The following FARP2 variants were observed in gnomAD, a reference collection of about 807,000 sequenced individuals.
The protein encoded by FARP2 is FERM, ARH/RhoGEF and pleckstrin domain protein 2, also known as FERM, ARHGEF and pleckstrin domain-containing protein 2.
In FARP2, 111 loss-of-function variants were observed where a neutral mutation model predicts 130.5. That is an observed-to-expected ratio of 0.85 (90% CI 0.73 to 1.00). The LOEUF (loss-of-function observed/expected upper bound fraction) is 1.00, where lower values mean the gene tolerates loss of function less well. Ranked by LOEUF, FARP2 falls within the 50% of genes least tolerant of loss-of-function variation. The probability of loss-of-function intolerance (pLI) is 0.00; values close to 1 mark genes in which losing one functional copy is unlikely to be tolerated. For synonymous variants in FARP2, 504 were observed against 516.9 expected (o/e 0.98, Z 0.34); for missense variants, 1,385 against 1,346.3 (o/e 1.03, Z -0.45).
intron 2 of FARP2, among the ~76,000 whole-genome samples, chr2:241,392,193 T>C (rs1168507473): frequency 6.6e-6 from 1 of 152,202 alleles, no homozygotes; most frequent in East Asian, 1.9e-4. Flanking sequence ...CATAGGATGG[T>C]GTGAGCCGCT....
Position 241,483,522 on chromosome 2 carries a change from A to G in FARP2, c.2320A>G (p.Met774Val). ...KLTKKGLQQR[M>V]FFLFSDMLLY... is the part of the protein sequence containing the mutation. Reference sequence around the variant, plus strand: ...CACCAAGAAGGGCCTGCAGCAGAGGATGTTTTTTCTGGTAGGTTCTCTCCC... The same window carrying G: ...CACCAAGAAGGGCCTGCAGCAGAGGGTGTTTTTTCTGGTAGGTTCTCTCCC... Residue 774 changes from methionine to valine, a missense_variant, in exon 20 of 27, where the codon ATG becomes GTG. Coordinates refer to ENST00000264042, the MANE Select transcript of FARP2 (RefSeq NM_014808.4). 6.2e-7 allele frequency: 1 copy of G among 1,614,040 alleles called. No homozygotes were observed. The highest frequency in any genetic ancestry group is 1.1e-5 in the South Asian group (1 of 91,076).
At chr2:241,470,882 T>C (rs2064288195) in intron 18 of FARP2, among the ~76,000 whole-genome samples, 2 of 151,044 alleles carry the variant, frequency 1.3e-5, no homozygotes, top group African/African-American at 4.9e-5. Flanking sequence ...CGCAGGGGGA[T>C]GCTCTGAGAG....
chr2:241,422,418 AAAC>A (rs1418895050), intron 8 of FARP2, among the ~76,000 whole-genome samples: 6 of 152,080 alleles, frequency 3.9e-5, no homozygotes, highest in East Asian at 1.9e-4. Flanking sequence ...AAAAAACAGA[AAAC>A]AACAACAACA....
chr2:241,465,697 A>AC, intron 17 of FARP2: 3 of 1,550,108 alleles, frequency 1.9e-6, no homozygotes, highest in Non-Finnish European at 2.6e-6. Flanking sequence ...TCACCACGTG[A>AC]CCGCCCAAGG....
At chr2:241,356,748 AGGC>A (rs2150269340) in intron 1 of FARP2, among the ~76,000 whole-genome samples, 1 of 151,482 alleles carries the variant, frequency 6.6e-6, no homozygotes, top group South Asian at 2.1e-4. Context: ...TGCCCCGTGG[AGGC>A]CGGCAGGGCC....
intron 13 of FARP2, chr2:241,447,055 T>C (rs1235619628): frequency 6.6e-6 from 1 of 152,266 alleles, no homozygotes; most frequent in African/African-American, 2.4e-5. Flanking sequence ...TTGTTTTCCA[T>C]TGAAATTGCC....
At chr2:241,377,505 C>A (rs1489498537) in intron 2 of FARP2, among the ~76,000 whole-genome samples, 1 of 152,008 alleles carries the variant, frequency 6.6e-6, no homozygotes, top group Non-Finnish European at 1.5e-5. Context: ...CCGCGCCTGG[C>A]TAATTTTTTG....
chr2:241,468,539 C>T (rs865919753), intron 18 of FARP2, among the ~76,000 whole-genome samples, 162 bp downstream of exon 18: 4 of 152,264 alleles, frequency 2.6e-5, no homozygotes, highest in Admixed American at 6.5e-5. Flanking sequence ...CCTTCCTTCC[C>T]GTCTCCTCTG....
In FARP2 at chr2:241,469,109, G is replaced by A. The variant is rs567735676; in HGVS notation, c.2131+732G>A. 8.4e-4 allele frequency among the ~76,000 whole-genome samples: 127 copies of A among 150,540 alleles called. 1 individual carries two copies. Among genetic ancestry groups the A allele is most frequent in the African/African-American group, 2.7e-3 (109 of 41,018 alleles). On this transcript the variant is annotated intron_variant, in intron 18 of 26. Coordinates refer to ENST00000264042, the MANE Select transcript of FARP2 (RefSeq NM_014808.4). ...GTTTTGTGGTTTTTTTTTTTGAGACGGAGTTTCATTCTTGTCGCCCAGGCT... is the reference window on the plus strand; with the variant it reads ...GTTTTGTGGTTTTTTTTTTTGAGACAGAGTTTCATTCTTGTCGCCCAGGCT...
intron 2 of FARP2, among the ~76,000 whole-genome samples, chr2:241,391,806 A>G (rs1460115291): frequency 2.0e-5 from 3 of 152,154 alleles, no homozygotes; most frequent in Admixed American, 6.6e-5. Context: ...CCCAAGCTCA[A>G]GATGTTAAAG....
At chr2:241,410,576 G>A (rs963196241) in intron 5 of FARP2, among the ~76,000 whole-genome samples, 11 of 151,922 alleles carry the variant, frequency 7.2e-5, no homozygotes, top group African/African-American at 2.7e-4. Flanking sequence ...GATTACAGGT[G>A]TGCACACCAC....
intron 13 of FARP2, 39 bp downstream of exon 13, chr2:241,441,595 G>A: frequency 1.2e-6 from 2 of 1,613,708 alleles, no homozygotes; most frequent in South Asian, 1.1e-5. Flanking sequence ...CTGTGGTTCT[G>A]TCTGTGCTGG....
rs2150482481 is a variant in FARP2 at position 241,466,428 on chromosome 2, A to G, written c.1894-1712A>G. The G allele has an allele frequency of 3.0e-6, 3 of 985,440 alleles. No homozygotes were observed. The South Asian group carries it at 1.4e-4, about 46-fold the overall frequency. 61.0% of individuals were successfully genotyped at this position (985,440 alleles called of 1,614,324 possible). On this transcript the variant is annotated intron_variant, in intron 17 of 26. Transcript: ENST00000264042. ...CCGCTGTGGGTGGGCACTGGTCCTC[A>G]GCACCACTCACCACTGCCAGGCAGG...
intron 25 of FARP2, 66 bp downstream of exon 25, chr2:241,493,102 C>T: frequency 8.8e-7 from 1 of 1,135,048 alleles, no homozygotes; most frequent in Non-Finnish European, 1.3e-6. Context: ...CCCTGCTCAC[C>T]TGTGTCCCTT....
intron 12 of FARP2, among the ~76,000 whole-genome samples, chr2:241,438,619 T>A (rs2063302365): frequency 7.1e-6 from 1 of 141,524 alleles, no homozygotes; most frequent in South Asian, 2.3e-4. Flanking sequence ...TTAAACTCTC[T>A]GGTTTTTTTT....
intron 8 of FARP2, among the ~76,000 whole-genome samples, chr2:241,423,961 G>T (rs891035064): frequency 6.6e-5 from 10 of 152,076 alleles, no homozygotes; most frequent in African/African-American, 2.4e-4. Flanking sequence ...CATAAAGCAA[G>T]TTCTTAAAGA....
intron 2 of FARP2, among the ~76,000 whole-genome samples, chr2:241,401,815 G>GCC (rs201135081): frequency 3.6e-5 from 2 of 56,100 alleles, no homozygotes; most frequent in African/African-American, 1.2e-4. Context: ...ACGGAGTTTC[G>GCC]CTCGTCGCCC....
intron 13 of FARP2, among the ~76,000 whole-genome samples, chr2:241,452,435 A>G (rs1417791643): frequency 6.6e-6 from 1 of 152,214 alleles, no homozygotes; most frequent in African/African-American, 2.4e-5. Context: ...AGATTTACTG[A>G]CTTTCATGTA....
intron 2 of FARP2, 62 bp downstream of exon 2, chr2:241,373,352 C>T: frequency 3.4e-6 from 4 of 1,179,712 alleles, no homozygotes; most frequent in Non-Finnish European, 3.3e-6. Context: ...AATTATGTAC[C>T]AAATTCCATT....
Sources: allele counts gnomAD v4.1 joint callset (sites outside exome capture counted in the v4.1 genomes callset), GRCh38; gene constraint gnomAD v4.1.1; transcripts MANE v1.5; gene names NCBI Gene and HGNC (gene_info 2026-07-23, HGNC 2026-07-21).